The following LUC7L2 variants were observed in gnomAD, a reference collection of about 807,000 sequenced individuals.
LUC7L2 encodes the protein LUC7 like 2, pre-mRNA splicing factor.
LUC7L2 carries 25 observed loss-of-function variants against 52.8 expected under a neutral mutation model. The ratio of observed to expected loss-of-function variants is 0.47; its 90% CI spans 0.34 to 0.66. The LOEUF is 0.66. Among genes scored for constraint, LUC7L2 ranks in the 30% least tolerant of loss-of-function variants. The probability of loss-of-function intolerance (pLI) is 0.01; values close to 1 mark genes in which losing one functional copy is unlikely to be tolerated. For synonymous variants in LUC7L2, 144 were observed against 160.9 expected (o/e 0.89, Z 0.80); for missense variants, 328 against 497.8 (o/e 0.66, Z 3.25).
At chr7:139,373,603 A>C (rs963320248) in intron 1 of LUC7L2, among the ~76,000 whole-genome samples, 8 of 151,694 alleles carry the variant, frequency 5.3e-5, no homozygotes, top group Admixed American at 3.9e-4. Flanking sequence ...AAATTTTAAA[A>C]AACACAAAAA....
intron 1 of LUC7L2, among the ~76,000 whole-genome samples, chr7:139,370,430 C>G (rs944103003): frequency 1.3e-5 from 2 of 152,090 alleles, no homozygotes; most frequent in Non-Finnish European, 2.9e-5. Context: ...ATCGCTTTTA[C>G]TTTGATTCCA....
chr7:139,366,590 C>G (rs535541407), intron 1 of LUC7L2, among the ~76,000 whole-genome samples: 2 of 152,156 alleles, frequency 1.3e-5, no homozygotes, highest in Non-Finnish European at 2.9e-5. Flanking sequence ...ACATCCATGC[C>G]GATTCATATA....
intron 2 of LUC7L2, among the ~76,000 whole-genome samples, chr7:139,382,206 A>G (rs904004214): frequency 6.6e-6 from 1 of 151,786 alleles, no homozygotes. Context: ...TGTATTTTTA[A>G]TAGAGATTGG....
At position 139,340,694 on chromosome 7, in the gene LUC7L2, G is replaced by A. The variant is rs182354657; in HGVS notation, c.-26+177G>A. On this transcript the variant is annotated intron_variant, in intron 1 of 10. Coordinates refer to the LUC7L2 transcript ENST00000541170. ...AATATGTTGTGTGAGCGCGTCGTTT[G>A]CAGAAGCCCCAGTGGCCTAATGGAT... 480 of 392,418 alleles carry A rather than the reference G, an allele frequency of 1.2e-3. 7 individuals carry two copies. In the East Asian group the frequency reaches 0.014, roughly 11 times the overall value. The allele number at this position is 392,418 out of a possible 1,614,324, so 24.3% of individuals were successfully genotyped here.
chr7:139,369,260 C>CAA (rs1440164966), intron 1 of LUC7L2, among the ~76,000 whole-genome samples: 9 of 152,138 alleles, frequency 5.9e-5, no homozygotes, highest in Non-Finnish European at 7.4e-5. Flanking sequence ...AAGTAAGTAT[C>CAA]AAAATATAAA....
chr7:139,382,239 G>A (rs1801070124), intron 2 of LUC7L2, among the ~76,000 whole-genome samples: 2 of 152,060 alleles, frequency 1.3e-5, no homozygotes, highest in Non-Finnish European at 2.9e-5. Flanking sequence ...TGCCCAGGCA[G>A]GTCTCAAACT....
chr7:139,364,801 A>G (rs1211418525), intron 1 of LUC7L2, among the ~76,000 whole-genome samples: 4 of 152,224 alleles, frequency 2.6e-5, no homozygotes, highest in African/African-American at 7.2e-5. Context: ...AATCATCTTT[A>G]CTGTAATCTG....
intron 2 of LUC7L2, among the ~76,000 whole-genome samples, chr7:139,397,195 T>C (rs1794697212): frequency 1.3e-5 from 2 of 152,208 alleles, no homozygotes; most frequent in Non-Finnish European, 2.9e-5. Flanking sequence ...ATTTTAAAGA[T>C]CTGCCTTCTA....
intron 7 of LUC7L2, among the ~76,000 whole-genome samples, chr7:139,410,064 G>A (rs1795288816): frequency 6.6e-6 from 1 of 152,112 alleles, no homozygotes; most frequent in Non-Finnish European, 1.5e-5. Flanking sequence ...AAAATTAGCT[G>A]GGCGAGGTGG....
At chr7:139,384,977 A>G (rs549088351) in intron 2 of LUC7L2, among the ~76,000 whole-genome samples, 24 of 150,108 alleles carry the variant, frequency 1.6e-4, no homozygotes, top group Admixed American at 2.6e-4. Context: ...AAATAACACA[A>G]TTCAGGCTTA....
rs372233819 is a variant in LUC7L2 at position 139,400,767 on chromosome 7, A to T, written c.256-1370A>T. On this transcript the variant is annotated intron_variant, in intron 3 of 9. Transcript: ENST00000354926. ...CCATCTTTTCTCTCACTGCTTTGAG[A>T]TGCCATCTTTATCTTTACATAAGGA... 5.0e-4 allele frequency among the ~76,000 whole-genome samples: 76 copies of T among 152,294 alleles called. No individual in the cohort carries two copies. The East Asian group carries it at 9.5e-3, about 19-fold the overall frequency.
intron 1 of LUC7L2, among the ~76,000 whole-genome samples, chr7:139,353,026 T>A (rs968912965): frequency 6.6e-6 from 1 of 152,108 alleles, no homozygotes; most frequent in African/African-American, 2.4e-5. Flanking sequence ...GGTGAAACTC[T>A]GTCTTTACTA....
intron 1 of LUC7L2, among the ~76,000 whole-genome samples, chr7:139,370,046 C>G (rs1800362831): frequency 6.6e-6 from 1 of 152,144 alleles, no homozygotes; most frequent in African/African-American, 2.4e-5. Context: ...CTTCCCTTTC[C>G]TTATGTAATA....
intron 5 of LUC7L2, among the ~76,000 whole-genome samples, chr7:139,406,406 G>C (rs1185387617): frequency 6.8e-6 from 1 of 147,758 alleles, no homozygotes; most frequent in Non-Finnish European, 1.5e-5. Context: ...AGGCTGGAGT[G>C]TAGTGGTGCG....
chr7:139,397,882 G>T (rs137868569), intron 2 of LUC7L2, among the ~76,000 whole-genome samples: 1 of 152,168 alleles, frequency 6.6e-6, no homozygotes, highest in African/African-American at 2.4e-5. Context: ...ATTATAAGTG[G>T]GATTAAATGC....
chr7:139,403,922 A>G (rs1233291859), intron 4 of LUC7L2, among the ~76,000 whole-genome samples: 1 of 152,152 alleles, frequency 6.6e-6, no homozygotes, highest in Non-Finnish European at 1.5e-5. Flanking sequence ...CATGTTTGCT[A>G]CCATCTCAGT....
At chr7:139,419,520 T>C (rs973125481) in intron 9 of LUC7L2, among the ~76,000 whole-genome samples, 15 of 152,254 alleles carry the variant, frequency 9.9e-5, no homozygotes, top group South Asian at 4.1e-4. Flanking sequence ...ACCTGTCTTA[T>C]CTGCACAATG....
intron 9 of LUC7L2, 42 bp from the exon 10 acceptor site, chr7:139,422,121 G>C: frequency 6.4e-7 from 1 of 1,559,282 alleles, no homozygotes; most frequent in South Asian, 1.2e-5. Flanking sequence ...TGGGTTTTTG[G>C]GTTTCCCAAC....
At chr7:139,420,900 G>A (rs373182847) in intron 9 of LUC7L2, among the ~76,000 whole-genome samples, 6 of 152,126 alleles carry the variant, frequency 3.9e-5, no homozygotes, top group Admixed American at 3.3e-4. Flanking sequence ...CCAGGTTCAA[G>A]TGATTCTCCT....
Sources: allele counts gnomAD v4.1 joint callset (sites outside exome capture counted in the v4.1 genomes callset), GRCh38; gene constraint gnomAD v4.1.1; transcripts MANE v1.5; gene names NCBI Gene and HGNC (gene_info 2026-07-23, HGNC 2026-07-21).